The following NLK variants were observed in gnomAD, a reference collection of about 807,000 sequenced individuals.
NLK encodes serine/threonine-protein kinase NLK.
Under a neutral mutation model 59.0 loss-of-function variants are expected in NLK, and 11 were observed. The observed-to-expected ratio is 0.19, with a 90% CI of 0.12 to 0.31. The LOEUF (loss-of-function observed/expected upper bound fraction) is 0.31. Ranked by LOEUF, NLK falls within the 10% of genes least tolerant of loss-of-function variation. NLK has a pLI of 1.00. For synonymous variants in NLK, 235 were observed against 235.9 expected, an observed-to-expected ratio of 1.00 and a Z score of 0.03; for missense variants, 410 against 661.1, an observed-to-expected ratio of 0.62 and a Z score of 4.16.
chr17:28,074,703 GCATCTTTTCACAT>G (rs1910113328), intron 1 of NLK, among the ~76,000 whole-genome samples: 1 of 152,142 alleles, frequency 6.6e-6, no homozygotes, highest in Non-Finnish European at 1.5e-5. Context: ...CTTTTGCCTA[GCATCTTTTCACAT>G]ATTTGAAGAT....
intron 1 of NLK, among the ~76,000 whole-genome samples, chr17:28,056,050 G>C (rs1477417511): frequency 6.6e-6 from 1 of 152,212 alleles, no homozygotes; most frequent in Non-Finnish European, 1.5e-5. Flanking sequence ...ACAGTTGTTT[G>C]TAACCTACAA....
chr17:28,046,933 C>G (rs1399698070), intron 1 of NLK, among the ~76,000 whole-genome samples: 1 of 152,098 alleles, frequency 6.6e-6, no homozygotes, highest in Non-Finnish European at 1.5e-5. Flanking sequence ...TGCTCTGTTG[C>G]CTTTGTGTAC....
intron 9 of NLK, among the ~76,000 whole-genome samples, chr17:28,191,617 C>T (rs1020225010): frequency 6.6e-6 from 1 of 152,182 alleles, no homozygotes. Context: ...ATAGTGTACT[C>T]ATAAAATTTT....
At chr17:28,174,743 A>G (rs935509277) in intron 7 of NLK, among the ~76,000 whole-genome samples, 2 of 152,172 alleles carry the variant, frequency 1.3e-5, no homozygotes, top group East Asian at 3.9e-4. Flanking sequence ...GTTGATCTTT[A>G]TCATCGCTAC....
intron 3 of NLK, among the ~76,000 whole-genome samples, chr17:28,150,916 C>A (rs560357575): frequency 4.2e-4 from 64 of 152,294 alleles, no homozygotes; most frequent in African/African-American, 1.5e-3. Context: ...TATAGTTTAT[C>A]TTCATCCAAT....
chr17:28,135,264 C>T (rs922600619), intron 3 of NLK, among the ~76,000 whole-genome samples: 1 of 152,148 alleles, frequency 6.6e-6, no homozygotes, highest in Non-Finnish European at 1.5e-5. Context: ...CTCAGTGATT[C>T]GCTAGAAGAA....
chr17:28,101,351 A>G (rs1904895651), intron 1 of NLK, among the ~76,000 whole-genome samples: 3 of 152,186 alleles, frequency 2.0e-5, no homozygotes, highest in South Asian at 4.1e-4. Context: ...TCTAAAGATA[A>G]TTTTGGGAGG....
At chr17:28,179,872 G>GTTTTTTTTTTTTTTTT (rs34411493) in intron 7 of NLK, among the ~76,000 whole-genome samples, 11 of 79,414 alleles carry the variant, frequency 1.4e-4, no homozygotes, top group East Asian at 4.4e-4. Context: ...AGCATTCTTG[G>GTTTTTTTTTTTTTTTT]TTTTTTTTTT....
At chr17:28,111,274 C>T (rs1194712834) in intron 1 of NLK, among the ~76,000 whole-genome samples, 1 of 151,984 alleles carries the variant, frequency 6.6e-6, no homozygotes, top group Non-Finnish European at 1.5e-5. Flanking sequence ...GCAACCTCTG[C>T]CTCCCGGGTT....
At chr17:28,114,144 C>G (rs1905649649) in intron 1 of NLK, among the ~76,000 whole-genome samples, 1 of 152,040 alleles carries the variant, frequency 6.6e-6, no homozygotes, top group South Asian at 2.1e-4. Flanking sequence ...ATTGAACATT[C>G]TGTTTGTGGA....
chr17:28,102,903 A>G (rs1467178350), intron 1 of NLK, among the ~76,000 whole-genome samples: 1 of 152,140 alleles, frequency 6.6e-6, no homozygotes, highest in Admixed American at 6.5e-5. Flanking sequence ...GTACCTAGTG[A>G]TGGCTAGTTA....
intron 1 of NLK, among the ~76,000 whole-genome samples, chr17:28,076,791 C>T (rs1258090202): frequency 6.6e-6 from 1 of 152,058 alleles, no homozygotes; most frequent in African/African-American, 2.4e-5. Flanking sequence ...ATCATTGGTT[C>T]ATGCAGTTTT....
At chr17:28,092,008 G>A (rs1452544533) in intron 1 of NLK, among the ~76,000 whole-genome samples, 1 of 152,140 alleles carries the variant, frequency 6.6e-6, no homozygotes, top group African/African-American at 2.4e-5. Context: ...GGCACCCCTA[G>A]TTGAACAAGA....
chr17:28,096,185 G>A (rs1353649754), intron 1 of NLK, among the ~76,000 whole-genome samples: 1 of 152,224 alleles, frequency 6.6e-6, no homozygotes, highest in South Asian at 2.1e-4. Context: ...GATTTCAGAA[G>A]AATCTATTTC....
At chr17:28,046,613 C>T (rs1909063606) in intron 1 of NLK, among the ~76,000 whole-genome samples, 1 of 152,150 alleles carries the variant, frequency 6.6e-6, no homozygotes, top group Non-Finnish European at 1.5e-5. Flanking sequence ...TATAAATCTA[C>T]CTTTTTGTCT....
At chr17:28,199,407 T>C (rs11867334), downstream of NLK, among the ~76,000 whole-genome samples, 1,144 of 152,128 alleles carry the variant, frequency 7.5e-3, 12 homozygotes, top group African/African-American at 0.026. Flanking sequence ...GGCTCACACC[T>C]ATAATCCCAG....
chr17:28,090,429 T>G (rs1329024285), intron 1 of NLK, among the ~76,000 whole-genome samples: 1 of 152,244 alleles, frequency 6.6e-6, no homozygotes, highest in South Asian at 2.1e-4. Context: ...TCTTCATTTC[T>G]TTGTAGATAC....
Position 28,163,186 on chromosome 17 carries a change from C to T in NLK, c.752-357C>T, listed in dbSNP as rs35715489. On this transcript the variant is annotated intron_variant, in intron 4 of 10. Coordinates refer to ENST00000407008, the MANE Select transcript of NLK (RefSeq NM_016231.5). ...GAAACTGTTTTGTTGGAGCAGGCTCCGAGTTGCAGGTTAAGAGTATCAATA... is the reference window on the plus strand; with the variant it reads ...GAAACTGTTTTGTTGGAGCAGGCTCTGAGTTGCAGGTTAAGAGTATCAATA... 3.5e-3 allele frequency among the ~76,000 whole-genome samples: 532 copies of T among 152,280 alleles called. 1 individual carries two copies. The highest frequency in any genetic ancestry group is 0.012 in the African/African-American group (484 of 41,536).
chr17:28,110,733 G>A (rs546746665), intron 1 of NLK, among the ~76,000 whole-genome samples: 1 of 151,544 alleles, frequency 6.6e-6, no homozygotes, highest in Non-Finnish European at 1.5e-5. Context: ...ATCTGATTTT[G>A]TTCTATTTTT....
Sources: allele counts gnomAD v4.1 joint callset (sites outside exome capture counted in the v4.1 genomes callset), GRCh38; gene constraint gnomAD v4.1.1; transcripts MANE v1.5; gene names NCBI Gene and HGNC (gene_info 2026-07-23, HGNC 2026-07-21).